Variants in TRMT11 observed in about 807,000 individuals in gnomAD.
TRMT11 encodes the protein tRNA methyltransferase 11.
A neutral mutation model predicts 62.8 loss-of-function variants in TRMT11; 53 were observed. The ratio of observed to expected loss-of-function variants is 0.84; its 90% CI spans 0.68 to 1.06. The LOEUF (loss-of-function observed/expected upper bound fraction) is 1.06. TRMT11 is among the 50% of genes least tolerant of loss of function. The pLI, the probability that TRMT11 is intolerant of heterozygous loss-of-function variation, is 0.00. For missense variants in TRMT11, 556 were observed against 553.4 expected (o/e 1.00, Z -0.05); for synonymous variants, 188 against 190.3 (o/e 0.99, Z 0.10).
chr6:126,213,824 C>A, the TRMT11 span, among the ~76,000 whole-genome samples: 1 of 152,024 alleles, frequency 6.6e-6, no homozygotes, highest in African/African-American at 2.4e-5. Context: ...TTGTCCTATT[C>A]CAGATTTTAG....
At chr6:126,154,099 T>C (rs901756597) in intron 21 of TRMT11, among the ~76,000 whole-genome samples, 7 of 152,210 alleles carry the variant, frequency 4.6e-5, no homozygotes, top group African/African-American at 1.7e-4. Context: ...TAAAACTTTT[T>C]TCTTGACATC....
At chr6:126,082,376 T>C (rs909814149) in intron 17 of TRMT11, among the ~76,000 whole-genome samples, 2 of 152,082 alleles carry the variant, frequency 1.3e-5, no homozygotes, top group Non-Finnish European at 2.9e-5. Flanking sequence ...TATTATATAT[T>C]ACAATGTAAT....
chr6:126,027,804 A>G (rs1773466682), intron 12 of TRMT11, among the ~76,000 whole-genome samples: 1 of 152,236 alleles, frequency 6.6e-6, no homozygotes, highest in Non-Finnish European at 1.5e-5. Flanking sequence ...GAGTGTGGCC[A>G]AAACTGAGGG....
rs1178846189 is a variant in TRMT11, at chr6:126,038,956, G to A, written c.*120G>A. The A allele has an allele frequency of 3.6e-6, 3 of 841,928 alleles. No individual in the cohort carries two copies. The highest frequency in any genetic ancestry group is 1.7e-6 in the Non-Finnish European group (1 of 574,352). 52.2% of individuals were successfully genotyped at this position (841,928 alleles called of 1,614,324 possible). ...GTTTTAAAATATTTTATATAGAAAA[G>A]CTACAAAGTAAATTGAGCAATGCTT... is the stretch of plus-strand genomic sequence containing the variant. On this transcript the variant is annotated 3_prime_UTR_variant, in exon 13 of 13. Transcript: ENST00000334379.
At chr6:126,153,705 C>T (rs1778084427) in intron 21 of TRMT11, among the ~76,000 whole-genome samples, 1 of 152,218 alleles carries the variant, frequency 6.6e-6, no homozygotes, top group African/African-American at 2.4e-5. Context: ...CACATAACCA[C>T]ATCACAGATA....
intron 21 of TRMT11, among the ~76,000 whole-genome samples, chr6:126,132,505 C>G (rs1380544282): frequency 6.6e-6 from 1 of 151,984 alleles, no homozygotes; most frequent in Non-Finnish European, 1.5e-5. Context: ...ATATTCTGGC[C>G]TAGTCCTATA....
At chr6:126,141,898 T>C (rs1017830583) in intron 21 of TRMT11, among the ~76,000 whole-genome samples, 9 of 152,092 alleles carry the variant, frequency 5.9e-5, no homozygotes, top group Non-Finnish European at 1.2e-4. Flanking sequence ...GTCCTTGCCA[T>C]TTTCTTGTCA....
the TRMT11 span, among the ~76,000 whole-genome samples, chr6:126,241,650 C>G: frequency 6.6e-6 from 1 of 152,158 alleles, no homozygotes; most frequent in Non-Finnish European, 1.5e-5. Context: ...ATATGCAAAT[C>G]AATAAACATA....
At chr6:126,036,975 G>A (rs939885153) in intron 12 of TRMT11, among the ~76,000 whole-genome samples, 1 of 151,846 alleles carries the variant, frequency 6.6e-6, no homozygotes, top group Non-Finnish European at 1.5e-5. Flanking sequence ...GATATGAAAA[G>A]TCTGTGCCAT....
chr6:126,196,099 C>T (rs953824539), intron 1 of TRMT11, among the ~76,000 whole-genome samples: 1 of 152,130 alleles, frequency 6.6e-6, no homozygotes, highest in Non-Finnish European at 1.5e-5. Flanking sequence ...AGATAAAATA[C>T]TTTGTTATTT....
the TRMT11 span, chr6:126,258,028 C>T: frequency 6.9e-7 from 1 of 1,452,382 alleles, no homozygotes; most frequent in Non-Finnish European, 9.7e-7. Context: ...AGCTCCTCGA[C>T]CCTGGCAGCC....
the TRMT11 span, among the ~76,000 whole-genome samples, chr6:126,234,905 G>A: frequency 6.6e-6 from 1 of 152,238 alleles, no homozygotes; most frequent in Admixed American, 6.5e-5. Context: ...TGTAATATGG[G>A]CATTAAGACA....
chr6:126,073,554 T>A (rs772273415), intron 17 of TRMT11, among the ~76,000 whole-genome samples: 3 of 152,122 alleles, frequency 2.0e-5, no homozygotes, highest in Admixed American at 6.6e-5. Flanking sequence ...AGTCACAACA[T>A]GAGACCACTT....
At chr6:126,001,038 C>T (rs1252291401) in intron 7 of TRMT11, among the ~76,000 whole-genome samples, 1 of 152,098 alleles carries the variant, frequency 6.6e-6, no homozygotes, top group African/African-American at 2.4e-5. Flanking sequence ...TCTTTTCTTT[C>T]CTGCATCATT....
the TRMT11 span, among the ~76,000 whole-genome samples, chr6:126,251,974 C>T: frequency 6.6e-6 from 1 of 152,184 alleles, no homozygotes; most frequent in Non-Finnish European, 1.5e-5. Context: ...CCACATTAGG[C>T]TTTCGATAAA....
At chr6:126,192,669 C>A (rs1266579736) in intron 1 of TRMT11, among the ~76,000 whole-genome samples, 1 of 152,032 alleles carries the variant, frequency 6.6e-6, no homozygotes, top group Non-Finnish European at 1.5e-5. Context: ...TGAGTTTTAT[C>A]AAATAATTTT....
chr6:126,235,332 A>G, the TRMT11 span, among the ~76,000 whole-genome samples: 1 of 152,244 alleles, frequency 6.6e-6, no homozygotes, highest in African/African-American at 2.4e-5. Flanking sequence ...ATACCATTCA[A>G]CTCAGCAATA....
the TRMT11 span, among the ~76,000 whole-genome samples, chr6:126,219,095 G>A: frequency 9.2e-5 from 14 of 152,146 alleles, no homozygotes; most frequent in Admixed American, 9.2e-4. Flanking sequence ...GGGTGTTGTT[G>A]GCAATTCACG....
chr6:126,196,725 G>A (rs1362904487), intron 1 of TRMT11, among the ~76,000 whole-genome samples: 3 of 152,064 alleles, frequency 2.0e-5, no homozygotes, highest in Non-Finnish European at 2.9e-5. Flanking sequence ...TATAATGGAA[G>A]TACAAGTTCA....
Sources: gnomAD v4.1 joint callset for allele counts (sites outside exome capture counted in the v4.1 genomes callset) on GRCh38, gnomAD v4.1.1 for gene constraint, MANE v1.5 for transcripts, NCBI Gene and HGNC (gene_info 2026-07-23, HGNC 2026-07-21) for gene names.